SLC25A13: variants seen among roughly 807,000 people sequenced by gnomAD.
SLC25A13 encodes the protein electrogenic aspartate/glutamate antiporter SLC25A13, mitochondrial.
SLC25A13 carries 70 observed loss-of-function variants against 85.5 expected under a neutral mutation model. The observed-to-expected ratio is 0.82, with a 90% CI of 0.68 to 1.00. The LOEUF (loss-of-function observed/expected upper bound fraction) is 1.00, where lower values mean the gene tolerates loss of function less well. Ranked by LOEUF, SLC25A13 falls within the 50% of genes least tolerant of loss-of-function variation. The pLI is 0.00. For missense variants in SLC25A13, 765 were observed against 819.8 expected (o/e 0.93, Z 0.82); for synonymous variants, 259 against 288.7 (o/e 0.90, Z 1.04).
At chr7:96,272,186 C>T (rs1798266049) in intron 3 of SLC25A13, among the ~76,000 whole-genome samples, 1 of 152,148 alleles carries the variant, frequency 6.6e-6, no homozygotes, top group Admixed American at 6.6e-5. Flanking sequence ...CCACGCTCAG[C>T]CTATTTATTC....
chr7:96,253,305 A>G (rs968781847), intron 3 of SLC25A13, among the ~76,000 whole-genome samples: 1 of 152,114 alleles, frequency 6.6e-6, no homozygotes, highest in African/African-American at 2.4e-5. Flanking sequence ...GGAATAAGAG[A>G]GGGAAGGAAT....
chr7:96,267,960 G>A (rs1798098898), intron 3 of SLC25A13, among the ~76,000 whole-genome samples: 2 of 152,138 alleles, frequency 1.3e-5, no homozygotes, highest in South Asian at 4.1e-4. Flanking sequence ...GCCAACTTCT[G>A]TTTGCACATG....
At chr7:96,128,776 A>G in intron 15 of SLC25A13, among the ~76,000 whole-genome samples, 1 of 148,124 alleles carries the variant, frequency 6.8e-6, no homozygotes, top group Admixed American at 6.8e-5. Flanking sequence ...TAATAATAAT[A>G]ATAATAATAA....
At chr7:96,283,242 A>C (rs1798754870) in intron 2 of SLC25A13, 2 of 179,984 alleles carry the variant, frequency 1.1e-5, no homozygotes, top group South Asian at 1.2e-4. Flanking sequence ...ATAGTGCTTC[A>C]ATAAGTTAGG....
At chr7:96,131,616 C>A in intron 15 of SLC25A13, 127 bp downstream of exon 15, 1 of 1,223,076 alleles carries the variant, frequency 8.2e-7, no homozygotes, top group Non-Finnish European at 1.2e-6. Flanking sequence ...GCTCTTCAAT[C>A]TCTAGCAAAC....
In SLC25A13 at chr7:96,121,123, A is replaced by G. The variant is rs767980169; in HGVS notation, c.*68T>C. 1 of 1,543,768 alleles carries G rather than the reference A, an allele frequency of 6.5e-7. No homozygotes were observed. The highest frequency in any genetic ancestry group is 9.0e-7 in the Non-Finnish European group (1 of 1,116,410). The stretch of plus-strand genomic sequence containing the variant: ...CGTAAAAGGGATGAAGCATTGCTTC[A>G]TTCCCAGGAGGGATGTTCTTTACTG... On this transcript the variant is annotated 3_prime_UTR_variant, in exon 18 of 18. Transcript: ENST00000265631.
rs144837288 is a variant in SLC25A13 at position 96,234,850 on chromosome 7, C to T, written c.280G>A (p.Val94Ile). 4.0e-5 allele frequency: 65 copies of T among 1,613,846 alleles called. No homozygotes were observed. Among genetic ancestry groups the T allele is most frequent in the Non-Finnish European group, 4.6e-5 (54 of 1,179,914 alleles). Residue 94 changes from valine (V) to isoleucine (I), a missense_variant, in exon 4 of 18, where the codon GTA (valine) becomes ATA (isoleucine). Transcript: ENST00000265631. ...VLCAPDALFM[V>I]AFQLFDKAGK... ...GCTTTGTCAAACAGCTGAAAGGCTA[C>T]CATAAACAAAGCATCAGGGGCACAC...
chr7:96,294,710 C>A (rs1434944424), intron 2 of SLC25A13, among the ~76,000 whole-genome samples: 1 of 152,144 alleles, frequency 6.6e-6, no homozygotes, highest in Non-Finnish European at 1.5e-5. Flanking sequence ...CAGGGTCTCA[C>A]TCTGTCATCC....
intron 4 of SLC25A13, among the ~76,000 whole-genome samples, chr7:96,216,728 G>C (rs540530122): frequency 6.6e-6 from 1 of 152,256 alleles, no homozygotes; most frequent in South Asian, 2.1e-4. Context: ...GAGAACAAGA[G>C]ACAGTGGGGC....
chr7:96,166,178 A>C (rs575166966), intron 13 of SLC25A13, among the ~76,000 whole-genome samples: 6 of 152,350 alleles, frequency 3.9e-5, no homozygotes, highest in African/African-American at 1.4e-4. Context: ...AGTCAAAATG[A>C]ATATAAACTT....
chr7:96,135,553 A>C (rs1225601540), intron 14 of SLC25A13, among the ~76,000 whole-genome samples: 1 of 152,250 alleles, frequency 6.6e-6, no homozygotes, highest in African/African-American at 2.4e-5. Context: ...TTTCTCTCCC[A>C]GATTCCTTGA....
At chr7:96,321,901 T>A (rs1308487536) in intron 1 of SLC25A13, 41 bp downstream of exon 1, 2 of 1,523,538 alleles carry the variant, frequency 1.3e-6, no homozygotes, top group Admixed American at 4.0e-5. Flanking sequence ...CCCAGGCTGA[T>A]CCGGCAGGCG....
chr7:96,199,510 C>A (rs936956819), intron 5 of SLC25A13, among the ~76,000 whole-genome samples: 4 of 152,172 alleles, frequency 2.6e-5, no homozygotes, highest in African/African-American at 9.7e-5. Flanking sequence ...TTACTAAATG[C>A]TGCTGCCGAA....
chr7:96,249,805 T>C (rs1797340170), intron 3 of SLC25A13, among the ~76,000 whole-genome samples: 1 of 151,610 alleles, frequency 6.6e-6, no homozygotes, highest in Admixed American at 6.6e-5. Flanking sequence ...GGTATAAGTA[T>C]TGCAGAAAAG....
chr7:96,150,705 T>C (rs1246674620), intron 13 of SLC25A13, among the ~76,000 whole-genome samples: 1 of 152,098 alleles, frequency 6.6e-6, no homozygotes. Flanking sequence ...AGCGGCTATC[T>C]ACAAGCCAAA....
chr7:96,259,063 C>G (rs1446168910), intron 3 of SLC25A13, among the ~76,000 whole-genome samples: 1 of 152,050 alleles, frequency 6.6e-6, no homozygotes, highest in Non-Finnish European at 1.5e-5. Flanking sequence ...CAAAAATTAA[C>G]TCAGGATGGT....
chr7:96,321,652 G>A (rs1230488185), intron 1 of SLC25A13, among the ~76,000 whole-genome samples: 3 of 152,116 alleles, frequency 2.0e-5, no homozygotes, highest in African/African-American at 7.2e-5. Context: ...GCTCCTCCTC[G>A]TCGGCCCTGG....
intron 14 of SLC25A13, among the ~76,000 whole-genome samples, chr7:96,137,779 C>T (rs1449026561): frequency 6.6e-6 from 1 of 152,180 alleles, no homozygotes; most frequent in Non-Finnish European, 1.5e-5. Flanking sequence ...CGTGCGCCAC[C>T]ATGCCCAGCA....
intron 1 of SLC25A13, among the ~76,000 whole-genome samples, chr7:96,315,596 T>C (rs1800099530): frequency 6.6e-6 from 1 of 152,088 alleles, no homozygotes; most frequent in South Asian, 2.1e-4. Context: ...TAACATAAAT[T>C]CCAAGGCCAT....
Sources: allele counts gnomAD v4.1 joint callset (sites outside exome capture counted in the v4.1 genomes callset), GRCh38; gene constraint gnomAD v4.1.1; transcripts MANE v1.5; gene names NCBI Gene and HGNC (gene_info 2026-07-23, HGNC 2026-07-21).